PLOD1: variants seen among roughly 807,000 people sequenced by gnomAD.
PLOD1 encodes the protein procollagen-lysine,2-oxoglutarate 5-dioxygenase 1, also known as lysine hydroxylase.
In PLOD1, 70 loss-of-function variants were observed where a neutral mutation model predicts 94.7. That is an observed-to-expected ratio of 0.74 (90% confidence interval 0.61 to 0.90). The LOEUF is 0.90. PLOD1 is among the 40% of genes least tolerant of loss of function. The pLI, the probability that PLOD1 is intolerant of heterozygous loss-of-function variation, is 0.00. For missense variants in PLOD1, 905 were observed against 972.7 expected (o/e 0.93, Z 0.93); for synonymous variants, 417 against 400.2 (o/e 1.04, Z -0.50).
At chr1:11,941,142 A>G (rs969687444) in intron 1 of PLOD1, among the ~76,000 whole-genome samples, 1 of 152,234 alleles carries the variant, frequency 6.6e-6, no homozygotes, top group Non-Finnish European at 1.5e-5. Flanking sequence ...GTTGACCGTG[A>G]AATAAGATAA....
intron 5 of PLOD1, 40 bp downstream of exon 5, chr1:11,952,775 A>T: frequency 2.8e-6 from 4 of 1,422,320 alleles, no homozygotes; most frequent in Middle Eastern, 1.8e-4. Flanking sequence ...GGGGCTGGGG[A>T]TCCACCGGCC....
chr1:11,958,365 C>T lies in PLOD1; in HGVS notation c.844-151C>T. The stretch of plus-strand genomic sequence containing the variant: ...CTGCTGCTTCCCTGCCCCCCCGTAC[C>T]CCCTGACTGGAGTTCCCCGGCCCGG... On this transcript the variant is annotated intron_variant, in intron 8 of 18. Transcript: ENST00000196061. The surrounding 1 kb of genome is among the most constrained non-coding windows in gnomAD (Gnocchi z 4.3). The T allele has an allele frequency of 1.2e-6, 1 of 848,584 alleles. No individual in the cohort carries two copies. The highest frequency in any genetic ancestry group is 1.9e-6 in the Non-Finnish European group (1 of 521,816). 52.6% of individuals were successfully genotyped at this position (848,584 alleles called of 1,614,324 possible).
In PLOD1 at chr1:11,958,720, A is replaced by G; in HGVS notation, c.975+73A>G. 1.3e-6 allele frequency: 2 copies of G among 1,572,300 alleles called. No homozygotes were observed. The highest frequency in any genetic ancestry group is 2.2e-5 in the South Asian group (2 of 89,786). On this transcript the variant is annotated intron_variant, in intron 9 of 18. Transcript: ENST00000196061. The surrounding 1 kb of genome is among the most constrained non-coding windows in gnomAD (Gnocchi z 4.3). ...GCCCAGCTTCACAAGGTAGCCCGAG[A>G]CCTCTGAGGGTCTCACCGAATCTAG...
At chr1:11,942,718 A>C (rs1281922134) in intron 1 of PLOD1, among the ~76,000 whole-genome samples, 1 of 152,166 alleles carries the variant, frequency 6.6e-6, no homozygotes, top group East Asian at 1.9e-4. Flanking sequence ...CAGCGGACCA[A>C]GGGGATGGAT....
chr1:11,965,728 G>C (rs1367276889), intron 14 of PLOD1, 135 bp downstream of exon 14: 2 of 644,068 alleles, frequency 3.1e-6, no homozygotes, highest in Non-Finnish European at 5.6e-6. Context: ...TTCACCCCAG[G>C]AGGCTATAGG....
chr1:11,943,733 G>C (rs1645630558), intron 1 of PLOD1, among the ~76,000 whole-genome samples: 1 of 152,138 alleles, frequency 6.6e-6, no homozygotes. Flanking sequence ...TACATAGATA[G>C]AGAGACAGGG....
At chr1:11,974,198 T>C (rs1645886044) in intron 18 of PLOD1, among the ~76,000 whole-genome samples, 1 of 150,530 alleles carries the variant, frequency 6.6e-6, no homozygotes, top group Admixed American at 6.6e-5. Context: ...ACTTACTCTT[T>C]GGGTTTTTTT....
chr1:11,948,283 G>A (rs1557485719), intron 2 of PLOD1, among the ~76,000 whole-genome samples: 1 of 152,112 alleles, frequency 6.6e-6, no homozygotes, highest in Non-Finnish European at 1.5e-5. Flanking sequence ...GGAAAGAGTT[G>A]GCTAAAGAAA....
chr1:11,953,092 A>G (rs80130622), intron 5 of PLOD1, among the ~76,000 whole-genome samples: 20,788 of 151,892 alleles, frequency 0.14, 2,152 homozygotes, highest in African/African-American at 0.29. Flanking sequence ...GTCTCACTGT[A>G]TTGCCCAGGC....
Position 11,956,942 on chromosome 1 carries a change from G to A in PLOD1, c.669G>A (p.Met223Ile). 1 of 1,613,490 alleles carries A rather than the reference G, an allele frequency of 6.2e-7. No homozygotes were observed. Among genetic ancestry groups the A allele is most frequent in the Non-Finnish European group, 8.5e-7 (1 of 1,179,520 alleles). Residue 223 changes from methionine (M) to isoleucine (I), a missense_variant, in exon 7 of 19, where the codon ATG becomes ATA. Physicochemically the swap from Met to Ile is conservative, Grantham distance 10. Coordinates refer to ENST00000196061, the MANE Select transcript of PLOD1 (RefSeq NM_000302.4). ...ATGAGGTCGTGCTCAAGTTTGAAAT[G>A]GGCCATGTGAGAGCGAGGAACCTGG... ...ALDEVVLKFE[M>I]GHVRARNLAY...
intron 16 of PLOD1, among the ~76,000 whole-genome samples, chr1:11,969,418 A>T (rs1414200833): frequency 6.6e-6 from 1 of 152,194 alleles, no homozygotes; most frequent in Admixed American, 6.5e-5. Context: ...AGTTCTGGTT[A>T]TCTTCCTAAT....
At position 11,974,771 on chromosome 1, in the gene PLOD1, G is replaced by T; in HGVS notation, c.2147G>T (p.Gly716Val). The T allele has an allele frequency of 6.2e-7, 1 of 1,614,140 alleles. No individual in the cohort carries two copies. The highest frequency in any genetic ancestry group is 8.5e-7 in the Non-Finnish European group (1 of 1,180,006). The change falls in exon 19 of 19, where the codon GGC becomes GTC. Residue 716 changes from glycine to valine, a missense_variant. By Grantham distance (109) the Gly-to-Val change is moderately radical. Coordinates refer to ENST00000196061, the MANE Select transcript of PLOD1 (RefSeq NM_000302.4). ...HYHEGLPTTR[G>V]TRYIAVSFVD... ...CATGAGGGGCTCCCCACCACCAGGG[G>T]CACCCGCTACATCGCAGTCTCCTTC...
At chr1:11,948,447 A>T (rs1342515299) in intron 2 of PLOD1, among the ~76,000 whole-genome samples, 1 of 152,146 alleles carries the variant, frequency 6.6e-6, no homozygotes, top group Admixed American at 6.5e-5. Flanking sequence ...CTAAAGAAAC[A>T]TGAGTGGTCC....
intron 18 of PLOD1, among the ~76,000 whole-genome samples, chr1:11,973,925 C>T (rs558702712): frequency 6.6e-6 from 1 of 152,266 alleles, no homozygotes; most frequent in South Asian, 2.1e-4. Context: ...GTTTTTACAA[C>T]TATGAGGGGC....
chr1:11,937,780 G>A (rs919035697), intron 1 of PLOD1, among the ~76,000 whole-genome samples: 1 of 152,108 alleles, frequency 6.6e-6, no homozygotes, highest in Non-Finnish European at 1.5e-5. Context: ...AGGTAACCCA[G>A]GTAGAGCACC....
Position 11,964,228 on chromosome 1 carries a change from G to T in PLOD1, c.1256G>T (p.Trp419Leu). The change falls in exon 12 of 19, where the codon TGG becomes TTG. Residue 419 changes from tryptophan (W) to leucine (L), a missense_variant. Transcript: ENST00000196061. ...TRHGRLWSNF[W>L]GALSADGYYA... is the part of the protein sequence containing the mutation. ...CATGGGAGGCTGTGGTCGAACTTCTGGGGGGCTCTCAGTGCAGATGGCTAC... is the reference window on the plus strand; with the variant it reads ...CATGGGAGGCTGTGGTCGAACTTCTTGGGGGCTCTCAGTGCAGATGGCTAC... 1 of 1,613,672 alleles carries T rather than the reference G, an allele frequency of 6.2e-7. No homozygotes were observed. The highest frequency in any genetic ancestry group is 8.5e-7 in the Non-Finnish European group (1 of 1,179,860).
chr1:11,958,655 A>C lies in PLOD1; in HGVS notation c.975+8A>C. The C allele has an allele frequency of 6.2e-7, 1 of 1,614,050 alleles. No individual in the cohort carries two copies. The highest frequency in any genetic ancestry group is 8.5e-7 in the Non-Finnish European group (1 of 1,180,032). On this transcript the variant is annotated splice_region_variant and intron_variant, in intron 9 of 18. Coordinates refer to ENST00000196061, the MANE Select transcript of PLOD1 (RefSeq NM_000302.4). The surrounding 1 kb of genome is among the most constrained non-coding windows in gnomAD (Gnocchi z 4.3). The stretch of plus-strand genomic sequence containing the variant: ...CTTTTCATCCACAACCACGTGAGTA[A>C]CAGGCGCTCTGTGGGGTCGTCATGT...
rs898917304 is a variant in PLOD1 at position 11,957,641 on chromosome 1, A to G, written c.742-201A>G. On this transcript the variant is annotated intron_variant, in intron 7 of 18. Transcript: ENST00000196061. This position sits in a 1 kb window ranked among gnomAD's most constrained non-coding sequence, Gnocchi z 4.1. ...CATTTTACAAGCTCTCGGGAGAAGC[A>G]CTAGAGTGCCAAGCCCTCCCCTGCC... is the stretch of plus-strand genomic sequence containing the variant. Among the ~76,000 whole-genome samples the G allele has an allele frequency of 6.6e-6, 1 of 152,208 alleles. No individual in the cohort carries two copies. Among genetic ancestry groups the G allele is most frequent in the Non-Finnish European group, 1.5e-5 (1 of 68,036 alleles).
At chr1:11,949,724 A>G in intron 2 of PLOD1, 49 bp from the exon 3 acceptor site, 1 of 1,603,208 alleles carries the variant, frequency 6.2e-7, no homozygotes, top group Admixed American at 1.7e-5. Context: ...CCAGCCCTGG[A>G]AAAATATTTC....
Sources: allele counts gnomAD v4.1 joint callset (sites outside exome capture counted in the v4.1 genomes callset), GRCh38; gene constraint gnomAD v4.1.1; non-coding constraint Gnocchi (gnomAD v3.1); transcripts MANE v1.5; gene names NCBI Gene and HGNC (gene_info 2026-07-23, HGNC 2026-07-21).